The following GPD2 variants were observed in gnomAD, a reference collection of about 807,000 sequenced individuals.
GPD2 encodes glycerol-3-phosphate dehydrogenase 2, also known as glycerol-3-phosphate dehydrogenase, mitochondrial.
A neutral mutation model predicts 82.4 loss-of-function variants in GPD2; 54 were observed. The observed-to-expected ratio is 0.66, with a 90% confidence interval of 0.53 to 0.82. The LOEUF (loss-of-function observed/expected upper bound fraction) is 0.82, where lower values mean the gene tolerates loss of function less well. Ranked by LOEUF, GPD2 falls within the 40% of genes least tolerant of loss-of-function variation. The pLI is 0.00. For synonymous variants in GPD2, 288 were observed against 306.1 expected (o/e 0.94, Z 0.62); for missense variants, 748 against 896.2 (o/e 0.83, Z 2.11).
intron 6 of GPD2, among the ~76,000 whole-genome samples, chr2:156,546,383 G>A (rs913354143): frequency 3.9e-5 from 6 of 152,300 alleles, no homozygotes; most frequent in East Asian, 3.9e-4. Context: ...AAAATTACAG[G>A]AGGCATAGAG....
chr2:156,459,312 A>G (rs1210628915), intron 1 of GPD2, among the ~76,000 whole-genome samples: 1 of 152,132 alleles, frequency 6.6e-6, no homozygotes, highest in Non-Finnish European at 1.5e-5. Context: ...ACTTACGCCT[A>G]CTGTCCGGTT....
intron 1 of GPD2, among the ~76,000 whole-genome samples, chr2:156,449,176 A>G (rs1248482991): frequency 6.6e-6 from 1 of 151,922 alleles, no homozygotes; most frequent in Non-Finnish European, 1.5e-5. Flanking sequence ...TTTTCCTTAT[A>G]ACATTCACAG....
At chr2:156,551,165 C>G (rs565655863) in intron 8 of GPD2, among the ~76,000 whole-genome samples, 2 of 150,852 alleles carry the variant, frequency 1.3e-5, no homozygotes, top group South Asian at 4.2e-4. Context: ...GTGGGCTACC[C>G]AAGTATTCTT....
intron 1 of GPD2, among the ~76,000 whole-genome samples, chr2:156,460,990 G>T (rs945478909): frequency 7.2e-5 from 11 of 151,872 alleles, no homozygotes; most frequent in Admixed American, 6.6e-4. Flanking sequence ...ATGGCTAATG[G>T]TATCCTAATG....
chr2:156,496,101 C>A lies in GPD2; in HGVS notation c.160C>A (p.Pro54Thr). 6.2e-7 allele frequency: 1 copy of A among 1,612,116 alleles called. No homozygotes were observed. The highest frequency in any genetic ancestry group is 8.5e-7 in the Non-Finnish European group (1 of 1,178,280). Residue 54 changes from proline (P) to threonine (T), a missense_variant, in exon 3 of 17, where the codon CCT becomes ACT. Pro to Thr is a conservative substitution (Grantham distance 38). This residue lies in a region of GPD2 where 692 missense variants were observed against 809.7 expected (regional missense o/e 0.85). Coordinates refer to ENST00000438166, the MANE Select transcript of GPD2 (RefSeq NM_000408.5). ...CATTTCAGAACCAGTTAACAGGGAG[C>A]CTCCTTCCAGAGAAGCTCAGCTACT... ...DCISEPVNRE[P>T]PSREAQLLTL...
intron 6 of GPD2, among the ~76,000 whole-genome samples, chr2:156,545,519 T>A (rs1481123075): frequency 6.6e-6 from 1 of 152,212 alleles, no homozygotes; most frequent in Non-Finnish European, 1.5e-5. Flanking sequence ...TTTTAATTGA[T>A]GAAATTATGG....
At chr2:156,456,294 T>C (rs557109004) in intron 1 of GPD2, among the ~76,000 whole-genome samples, 7 of 152,284 alleles carry the variant, frequency 4.6e-5, no homozygotes, top group East Asian at 1.9e-4. Context: ...TCTAGTCCTT[T>C]AGGTTTCTTC....
At chr2:156,451,860 T>G (rs1448729942) in intron 1 of GPD2, among the ~76,000 whole-genome samples, 4 of 129,570 alleles carry the variant, frequency 3.1e-5, no homozygotes, top group African/African-American at 6.1e-5. Context: ...GGGCGGAGGG[T>G]CTCCTCACTT....
chr2:156,450,319 T>G (rs1227219894), intron 1 of GPD2, among the ~76,000 whole-genome samples: 1 of 152,150 alleles, frequency 6.6e-6, no homozygotes, highest in African/African-American at 2.4e-5. Context: ...TGGCTGAGGA[T>G]ACAGACTTAG....
chr2:156,547,215 A>G (rs1009188121), intron 6 of GPD2, among the ~76,000 whole-genome samples: 6 of 152,202 alleles, frequency 3.9e-5, no homozygotes, highest in South Asian at 2.1e-4. Flanking sequence ...CATAAAGACT[A>G]TTTAAAAAGG....
chr2:156,513,972 G>A (rs896943764), intron 6 of GPD2, among the ~76,000 whole-genome samples: 3 of 152,162 alleles, frequency 2.0e-5, no homozygotes, highest in Non-Finnish European at 4.4e-5. Context: ...ATTTTGCACA[G>A]GACACAATTC....
intron 6 of GPD2, among the ~76,000 whole-genome samples, chr2:156,535,158 A>G (rs933045322): frequency 1.3e-5 from 2 of 151,988 alleles, no homozygotes; most frequent in African/African-American, 4.8e-5. Flanking sequence ...TCTCTAGGCA[A>G]TGGGCATCCA....
At chr2:156,531,813 T>C (rs996883991) in intron 6 of GPD2, among the ~76,000 whole-genome samples, 5 of 152,004 alleles carry the variant, frequency 3.3e-5, no homozygotes, top group Non-Finnish European at 5.9e-5. Context: ...GCTTTCCCTC[T>C]CTCCATAGGA....
the GPD2 span, among the ~76,000 whole-genome samples, chr2:156,417,096 T>G: frequency 6.6e-6 from 1 of 152,226 alleles, no homozygotes; most frequent in African/African-American, 2.4e-5. Flanking sequence ...TTTATTTGTT[T>G]AACTGTCTGG....
chr2:156,484,862 AAAAC>A (rs1280206647), intron 2 of GPD2, among the ~76,000 whole-genome samples: 1 of 152,096 alleles, frequency 6.6e-6, no homozygotes, highest in Non-Finnish European at 1.5e-5. Flanking sequence ...TAAACAAACA[AAAAC>A]AAAACCCAAT....
At chr2:156,427,939 ACT>A in the GPD2 span, among the ~76,000 whole-genome samples, 1 of 151,870 alleles carries the variant, frequency 6.6e-6, no homozygotes, top group Admixed American at 6.6e-5. Flanking sequence ...ATTCATGGTC[ACT>A]CTGTCTTCTA....
intron 6 of GPD2, among the ~76,000 whole-genome samples, chr2:156,543,710 G>A (rs1329408466): frequency 1.3e-5 from 2 of 152,166 alleles, no homozygotes; most frequent in African/African-American, 2.4e-5. Context: ...GACAACATGA[G>A]CAAGAAATCA....
upstream of GPD2, among the ~76,000 whole-genome samples, chr2:156,432,540 TAA>T (rs566577551): frequency 0.017 from 2,651 of 152,340 alleles, 33 homozygotes; most frequent in Non-Finnish European, 0.025. Context: ...TTGCTTAGGA[TAA>T]CGGCCTGCAG....
chr2:156,581,684 A>G (rs1688030703), intron 16 of GPD2, among the ~76,000 whole-genome samples: 1 of 152,088 alleles, frequency 6.6e-6, no homozygotes, highest in Non-Finnish European at 1.5e-5. Context: ...AAGGATCACT[A>G]TAGATATCTC....
Sources: allele counts gnomAD v4.1 joint callset (sites outside exome capture counted in the v4.1 genomes callset), GRCh38; gene constraint gnomAD v4.1.1; regional missense constraint gnomAD v4.1.1; transcripts MANE v1.5; gene names NCBI Gene and HGNC (gene_info 2026-07-23, HGNC 2026-07-21).